The following GRIA3 variants were observed in gnomAD, a reference collection of about 807,000 sequenced individuals.
GRIA3 encodes the protein glutamate ionotropic receptor AMPA type subunit 3.
GRIA3 carries 3 observed loss-of-function variants against 63.0 expected under a neutral mutation model. The ratio of observed to expected loss-of-function variants is 0.05; its 90% CI spans 0.02 to 0.12. The LOEUF (loss-of-function observed/expected upper bound fraction) is 0.12, where lower values mean the gene tolerates loss of function less well. Ranked by LOEUF, GRIA3 falls within the 10% of genes least tolerant of loss-of-function variation. The pLI, the probability that GRIA3 is intolerant of heterozygous loss-of-function variation, is 1.00. For missense variants in GRIA3, 347 were observed against 700.9 expected (o/e 0.50, Z 5.70); for synonymous variants, 274 against 257.9 (o/e 1.06, Z -0.60).
At chrX:123,222,172 A>T (rs767118014) in intron 2 of GRIA3, among the ~76,000 whole-genome samples, 3 of 111,562 alleles carry the variant, frequency 2.7e-5, no homozygotes, top group Non-Finnish European at 5.6e-5. Context: ...TTCTTTCCTC[A>T]GCCTCCCAGG....
chrX:123,289,448 A>G (rs961284952), intron 3 of GRIA3, among the ~76,000 whole-genome samples: 2 of 107,705 alleles, frequency 1.9e-5, no homozygotes, highest in African/African-American at 6.7e-5. Flanking sequence ...ATATATAAAG[A>G]TAAAGATAAT....
intron 3 of GRIA3, among the ~76,000 whole-genome samples, chrX:123,263,314 A>G (rs1044779208): frequency 1.8e-5 from 2 of 111,989 alleles, no homozygotes; most frequent in Non-Finnish European, 3.8e-5. Flanking sequence ...CATTCAGAGG[A>G]AAGAGGGGGC....
chrX:123,206,363 C>T (rs1927887334), intron 2 of GRIA3, among the ~76,000 whole-genome samples: 4 of 111,822 alleles, frequency 3.6e-5, no homozygotes, highest in Non-Finnish European at 7.5e-5. Flanking sequence ...TGGTGTGTGT[C>T]CCTCTTGCAT....
chrX:123,266,966 C>CT (rs1327669471), intron 3 of GRIA3, among the ~76,000 whole-genome samples: 2 of 111,036 alleles, frequency 1.8e-5, no homozygotes, highest in Non-Finnish European at 3.8e-5. Flanking sequence ...TCTCCAGCCC[C>CT]TTAGCCCTGC....
chrX:123,423,287 G>A (rs1217105882), intron 11 of GRIA3, among the ~76,000 whole-genome samples: 3 of 112,013 alleles, frequency 2.7e-5, no homozygotes, highest in African/African-American at 6.5e-5. Context: ...GTCCAGATTA[G>A]TTGACACGTA....
chrX:123,240,889 G>A (rs1333582204), intron 2 of GRIA3, among the ~76,000 whole-genome samples: 1 of 111,635 alleles, frequency 9.0e-6, no homozygotes, highest in Non-Finnish European at 1.9e-5. Context: ...AAACCCAGGA[G>A]AGAAGAAAAT....
chrX:123,438,663 C>T (rs1050891258), intron 12 of GRIA3, among the ~76,000 whole-genome samples: 1 of 112,173 alleles, frequency 8.9e-6, no homozygotes, highest in African/African-American at 3.2e-5. Flanking sequence ...GCTGGGATTA[C>T]AGGCGCATGC....
chrX:123,257,826 G>C (rs2044428305), intron 3 of GRIA3, among the ~76,000 whole-genome samples: 1 of 111,240 alleles, frequency 9.0e-6, no homozygotes, highest in South Asian at 3.8e-4. Flanking sequence ...TCATTTAAAA[G>C]AATTGTAGCA....
chrX:123,201,396 G>A (rs1266961330), intron 2 of GRIA3, among the ~76,000 whole-genome samples: 1 of 112,051 alleles, frequency 8.9e-6, no homozygotes, highest in Non-Finnish European at 1.9e-5. Flanking sequence ...TAACATGATT[G>A]TCGTATGGTA....
At chrX:123,322,330 G>T (rs1264475106) in intron 3 of GRIA3, among the ~76,000 whole-genome samples, 1 of 112,206 alleles carries the variant, frequency 8.9e-6, no homozygotes, top group Non-Finnish European at 1.9e-5. Flanking sequence ...AGGAAGAAGA[G>T]GAAAGTGGAT....
At chrX:123,233,930 T>A (rs2044289089) in intron 2 of GRIA3, among the ~76,000 whole-genome samples, 1 of 111,726 alleles carries the variant, frequency 9.0e-6, no homozygotes, top group Admixed American at 9.5e-5. Flanking sequence ...ACTTACCTTT[T>A]TTTCATGTTT....
intron 3 of GRIA3, among the ~76,000 whole-genome samples, chrX:123,278,060 G>T (rs909728538): frequency 8.9e-5 from 10 of 112,044 alleles, no homozygotes; most frequent in Admixed American, 1.9e-4. Flanking sequence ...CAGGCTGCAG[G>T]CTTCATAAGC....
At chrX:123,300,202 C>T (rs771316273) in intron 3 of GRIA3, among the ~76,000 whole-genome samples, 3 of 109,389 alleles carry the variant, frequency 2.7e-5, no homozygotes, top group Non-Finnish European at 5.7e-5. Context: ...ATTGTTGTGT[C>T]GTTACCAGGA....
At chrX:123,431,027 T>C (rs769606446) in intron 12 of GRIA3, among the ~76,000 whole-genome samples, 3 of 99,486 alleles carry the variant, frequency 3.0e-5, no homozygotes, top group African/African-American at 7.4e-5. Flanking sequence ...GTAACTCACA[T>C]ACACACACAC....
intron 12 of GRIA3, among the ~76,000 whole-genome samples, chrX:123,441,011 G>A (rs1406221983): frequency 9.0e-6 from 1 of 111,455 alleles, no homozygotes. Context: ...GGACACTCTG[G>A]GAATAAAGGA....
rs1569440736 is a variant in GRIA3, at chrX:123,463,580, G to GGAAGGAAGGAAGGAAGGAAGGAAGGA, written c.2077-1285_2077-1284insGAAGGAAGGAAGGAAGGAAGGAAGGA. The stretch of plus-strand genomic sequence containing the variant: ...GAAGGAAGGAAGGAAGGAAGGAAGG[G>GGAAGGAAGGAAGGAAGGAAGGAAGGA]AGGGAGGGAGGGAGGGAGGGAGGGA... On this transcript the variant is annotated intron_variant, in intron 12 of 15. Transcript: ENST00000620443. Among the ~76,000 whole-genome samples, 33 of 24,757 alleles carry GGAAGGAAGGAAGGAAGGAAGGAAGGA rather than the reference G, an allele frequency of 1.3e-3. 4 individuals carry two copies. Among genetic ancestry groups the GGAAGGAAGGAAGGAAGGAAGGAAGGA allele is most frequent in the African/African-American group, 9.6e-3 (30 of 3,116 alleles). 21.5% of individuals were successfully genotyped at this position (24,757 alleles called of 115,157 possible).
Position 123,251,335 on chromosome X carries a change from G to C in GRIA3, c.269-1968G>C, listed in dbSNP as rs571411090. 2.7e-5 allele frequency among the ~76,000 whole-genome samples: 3 copies of C among 112,266 alleles called. No homozygotes were observed. In the South Asian group the frequency reaches 1.1e-3, roughly 42 times the overall value. On this transcript the variant is annotated intron_variant, in intron 2 of 15. Coordinates refer to ENST00000620443, the MANE Select transcript of GRIA3 (RefSeq NM_007325.5). ...TTTTCTTAGCATCACCCTTGGTGATGATCAAGACATCCCTTTTGTTTCTGA... is the reference window on the plus strand; with the variant it reads ...TTTTCTTAGCATCACCCTTGGTGATCATCAAGACATCCCTTTTGTTTCTGA...
chrX:123,279,016 T>A (rs1603065122), intron 3 of GRIA3, among the ~76,000 whole-genome samples: 1 of 111,852 alleles, frequency 8.9e-6, no homozygotes, highest in East Asian at 2.8e-4. Flanking sequence ...CTTTGGGTAG[T>A]ATGGATATTT....
chrX:123,445,493 T>G (rs1174578143), intron 12 of GRIA3, among the ~76,000 whole-genome samples: 1 of 112,258 alleles, frequency 8.9e-6, no homozygotes, highest in Non-Finnish European at 1.9e-5. Flanking sequence ...TTACTGGTTT[T>G]TTGTTGTTGT....
Sources: gnomAD v4.1 joint callset for allele counts (sites outside exome capture counted in the v4.1 genomes callset) on GRCh38, gnomAD v4.1.1 for gene constraint, MANE v1.5 for transcripts, NCBI Gene and HGNC (gene_info 2026-07-23, HGNC 2026-07-21) for gene names.